The following HVCN1 variants were observed in gnomAD, a reference collection of about 807,000 sequenced individuals.
HVCN1 encodes hydrogen voltage gated channel 1.
Under a neutral mutation model 29.2 loss-of-function variants are expected in HVCN1, and 14 were observed. That is an observed-to-expected ratio of 0.48 (90% CI 0.32 to 0.75). The LOEUF is 0.75. HVCN1 is among the 30% of genes least tolerant of loss of function. The probability of loss-of-function intolerance (pLI) is 0.04; values close to 1 mark genes in which losing one functional copy is unlikely to be tolerated. For synonymous variants in HVCN1, 131 were observed against 133.2 expected (o/e 0.98, Z 0.11); for missense variants, 263 against 341.8 (o/e 0.77, Z 1.82).
chr12:110,679,179 G>A (rs2068856352), intron 3 of HVCN1, among the ~76,000 whole-genome samples: 1 of 152,186 alleles, frequency 6.6e-6, no homozygotes, highest in Admixed American at 6.5e-5. Context: ...TGAGTCCTGG[G>A]CTCAGAGCTT....
chr12:110,673,054 G>C (rs1305021748), intron 3 of HVCN1, among the ~76,000 whole-genome samples: 3 of 152,188 alleles, frequency 2.0e-5, no homozygotes, highest in Non-Finnish European at 4.4e-5. Context: ...GCAGAGTCTG[G>C]AATAGTTTGG....
chr12:110,685,582 G>A (rs1003960428), intron 2 of HVCN1, among the ~76,000 whole-genome samples: 1 of 152,122 alleles, frequency 6.6e-6, no homozygotes, highest in African/African-American at 2.4e-5. Flanking sequence ...GTCCCCTGTA[G>A]GAATGTGTTT....
chr12:110,666,586 G>GC (rs776154609), intron 3 of HVCN1, among the ~76,000 whole-genome samples: 2 of 152,072 alleles, frequency 1.3e-5, no homozygotes, highest in Non-Finnish European at 2.9e-5. Context: ...GTAGTGCATG[G>GC]CCCTCCAGGA....
Position 110,661,302 on chromosome 12 carries a change from C to T in HVCN1, c.168G>A (p.Gln56=). Residue 56 remains glutamine (Q), a synonymous_variant, in exon 4 of 8, where the codon CAG becomes CAA. Coordinates refer to ENST00000242607, the MANE Select transcript of HVCN1 (RefSeq NM_032369.4). The surrounding 1 kb of genome is among the most constrained non-coding windows in gnomAD (Gnocchi z 6.2). ...ENEEEEEEEE[Q]PPPTPVSGEE... ...CGCCTGAGACTGGTGTGGGTGGTGG[C>T]TGCTCCTCCTCCTCCTCCTCCTCTT... 4 of 1,614,188 alleles carry T rather than the reference C, an allele frequency of 2.5e-6. No homozygotes were observed. Among genetic ancestry groups the T allele is most frequent in the Non-Finnish European group, 3.4e-6 (4 of 1,180,018 alleles).
At chr12:110,656,801 T>C (rs1472887881) in intron 4 of HVCN1, among the ~76,000 whole-genome samples, 1 of 152,256 alleles carries the variant, frequency 6.6e-6, no homozygotes. Flanking sequence ...GAAAATTGCA[T>C]GGCAAATTGC....
At chr12:110,678,949 A>G (rs1017014428) in intron 3 of HVCN1, among the ~76,000 whole-genome samples, 1 of 152,200 alleles carries the variant, frequency 6.6e-6, no homozygotes, top group African/African-American at 2.4e-5. Flanking sequence ...TTGTTTTACA[A>G]AAGTGTAGAA....
chr12:110,697,851 C>A (rs892979957), intron 2 of HVCN1, among the ~76,000 whole-genome samples: 1 of 152,054 alleles, frequency 6.6e-6, no homozygotes, highest in Non-Finnish European at 1.5e-5. Flanking sequence ...GGGGTTTCAC[C>A]ATATTGGCTA....
intron 3 of HVCN1, among the ~76,000 whole-genome samples, chr12:110,680,461 C>T (rs1402708596): frequency 6.6e-6 from 1 of 152,090 alleles, no homozygotes; most frequent in Non-Finnish European, 1.5e-5. Context: ...TGCCATTTAC[C>T]CCATGAACAG....
chr12:110,657,023 T>G (rs181998682), intron 4 of HVCN1, among the ~76,000 whole-genome samples: 2 of 152,320 alleles, frequency 1.3e-5, no homozygotes, highest in African/African-American at 2.4e-5. Context: ...CCCGCTCCTA[T>G]GAAATCGTCA....
At position 110,661,588 on chromosome 12, in the gene HVCN1, C is replaced by T. The variant is rs1286890439; in HGVS notation, c.22-140G>A. On this transcript the variant is annotated intron_variant, in intron 3 of 7. Transcript: ENST00000242607. This position sits in a 1 kb window ranked among gnomAD's most constrained non-coding sequence, Gnocchi z 6.2. ...CCTGCAAGCAGAGACCATGAGGTCA[C>T]GGTGGTTTCTCGTGCTTTTATTTTT... The T allele has an allele frequency of 1.2e-5, 9 of 728,060 alleles. No homozygotes were observed. The highest frequency in any genetic ancestry group is 3.8e-4 in the Middle Eastern group (1 of 2,628). The allele number at this position is 728,060 out of a possible 1,614,324, so 45.1% of individuals were successfully genotyped here.
At chr12:110,665,514 C>G (rs2068314424) in intron 3 of HVCN1, among the ~76,000 whole-genome samples, 1 of 151,298 alleles carries the variant, frequency 6.6e-6, no homozygotes, top group Admixed American at 6.6e-5. Context: ...CGAGATCATG[C>G]CATTGCACTC....
chr12:110,693,620 G>A (rs903947764), upstream of HVCN1, among the ~76,000 whole-genome samples: 13 of 151,736 alleles, frequency 8.6e-5, no homozygotes, highest in Non-Finnish European at 1.6e-4. Context: ...TTAAACCACA[G>A]TATAGTTATT....
At chr12:110,657,605 A>AGC (rs2068033303) in intron 4 of HVCN1, among the ~76,000 whole-genome samples, 1 of 152,376 alleles carries the variant, frequency 6.6e-6, no homozygotes, top group South Asian at 2.1e-4. Flanking sequence ...CATTTACTTA[A>AGC]AAATGATTGT....
At chr12:110,650,390 G>A (rs893604678) in intron 6 of HVCN1, 110 bp from the exon 7 acceptor site, 6 of 658,644 alleles carry the variant, frequency 9.1e-6, no homozygotes, top group Middle Eastern at 3.1e-4. Flanking sequence ...TGACAGACAC[G>A]CGAGACAGTC....
intron 2 of HVCN1, 134 bp from the exon 3 acceptor site, chr12:110,683,398 T>C: frequency 9.4e-7 from 1 of 1,067,612 alleles, no homozygotes; most frequent in Non-Finnish European, 1.3e-6. Context: ...TAGTGTAAAG[T>C]ACAAAGTATA....
chr12:110,689,201 T>C (rs1593544070), upstream of HVCN1: 3 of 97,588 alleles, frequency 3.1e-5, no homozygotes, highest in Admixed American at 1.0e-4. This position sits in a 1 kb window ranked among gnomAD's most constrained non-coding sequence, Gnocchi z 5.7. Context: ...CCCGCCCCCG[T>C]CCCCGCCCCC....
intron 2 of HVCN1, among the ~76,000 whole-genome samples, chr12:110,699,306 C>A (rs1005671150): frequency 6.6e-6 from 1 of 152,164 alleles, no homozygotes; most frequent in Non-Finnish European, 1.5e-5. Context: ...CCTCTTCCTG[C>A]CAAGGGGTGG....
intron 3 of HVCN1, among the ~76,000 whole-genome samples, chr12:110,675,585 AT>A (rs921198052): frequency 4.6e-5 from 7 of 151,584 alleles, no homozygotes; most frequent in African/African-American, 7.3e-5. Context: ...AGAAAAGTAG[AT>A]TTTTTTTTCA....
chr12:110,674,401 C>G (rs1253526216), intron 3 of HVCN1, among the ~76,000 whole-genome samples: 2 of 151,966 alleles, frequency 1.3e-5, no homozygotes, highest in East Asian at 3.8e-4. Context: ...GACTTTTGGG[C>G]TAATGATGAA....
Sources: gnomAD v4.1 joint callset for allele counts (sites outside exome capture counted in the v4.1 genomes callset) on GRCh38, gnomAD v4.1.1 for gene constraint, Gnocchi (gnomAD v3.1) non-coding constraint, MANE v1.5 for transcripts, NCBI Gene and HGNC (gene_info 2026-07-23, HGNC 2026-07-21) for gene names.